The following LRRC49 variants were observed in gnomAD, a reference collection of about 807,000 sequenced individuals.
LRRC49 encodes leucine-rich repeat-containing protein 49.
A neutral mutation model predicts 83.3 loss-of-function variants in LRRC49; 50 were observed. The observed-to-expected ratio is 0.60, with a 90% CI of 0.48 to 0.76. The LOEUF (loss-of-function observed/expected upper bound fraction) is 0.76. Among genes scored for constraint, LRRC49 ranks in the 30% least tolerant of loss-of-function variants. The pLI is 0.00. For synonymous variants in LRRC49, 286 were observed against 283.3 expected (o/e 1.01, Z -0.10); for missense variants, 704 against 809.1 (o/e 0.87, Z 1.58).
At chr15:70,948,733 CTT>C (rs1176278633) in intron 8 of LRRC49, among the ~76,000 whole-genome samples, 1 of 152,028 alleles carries the variant, frequency 6.6e-6, no homozygotes. Context: ...GTTCTAATGA[CTT>C]TTAGTGGAGA....
intron 11 of LRRC49, among the ~76,000 whole-genome samples, chr15:70,998,219 A>G (rs982621855): frequency 6.6e-6 from 1 of 152,150 alleles, no homozygotes; most frequent in Non-Finnish European, 1.5e-5. Context: ...AGGAATTACC[A>G]CCTTAAAAAT....
intron 11 of LRRC49, among the ~76,000 whole-genome samples, chr15:70,990,013 C>T (rs1194529116): frequency 3.3e-5 from 5 of 152,184 alleles, no homozygotes; most frequent in African/African-American, 9.6e-5. Flanking sequence ...GAGGAGTACC[C>T]GGCTGTGTGA....
At chr15:70,872,846 T>G (rs12904060) in intron 1 of LRRC49, 32 of 213,090 alleles carry the variant, frequency 1.5e-4, no homozygotes, top group African/African-American at 6.8e-4. Flanking sequence ...GTGAGAGAAA[T>G]GGCTCTGGCT....
chr15:71,019,348 T>G (rs1475222033), intron 14 of LRRC49, among the ~76,000 whole-genome samples: 1 of 152,116 alleles, frequency 6.6e-6, no homozygotes, highest in Non-Finnish European at 1.5e-5. Flanking sequence ...CTCGTTACTC[T>G]TGCAATTCCA....
intron 2 of LRRC49, among the ~76,000 whole-genome samples, chr15:70,880,242 T>TC (rs2141082692): frequency 6.6e-6 from 1 of 152,218 alleles, no homozygotes; most frequent in South Asian, 2.1e-4. Flanking sequence ...AACAAACCTC[T>TC]CCCCCCACCT....
At chr15:70,974,948 G>C (rs986108121) in intron 9 of LRRC49, among the ~76,000 whole-genome samples, 3 of 152,166 alleles carry the variant, frequency 2.0e-5, no homozygotes, top group Non-Finnish European at 4.4e-5. Flanking sequence ...CACAAATTCA[G>C]TATTATACAA....
In LRRC49 at chr15:71,049,819, G is replaced by T. The variant is rs2039966532; in HGVS notation, c.*207G>T. On this transcript the variant is annotated 3_prime_UTR_variant, in exon 16 of 16. Coordinates refer to ENST00000260382, the MANE Select transcript of LRRC49 (RefSeq NM_017691.5). ...AAGGAAGGATTAATTGCCTGTATGT[G>T]AGGACCAAACAACCTTTGGGAACTA... The T allele has an allele frequency of 4.0e-6, 2 of 500,914 alleles. No homozygotes were observed. The highest frequency in any genetic ancestry group is 3.8e-5 in the Admixed American group (1 of 26,504). The allele number at this position is 500,914 out of a possible 1,614,324, so 31.0% of individuals were successfully genotyped here. A position where few individuals can be genotyped will look rare whatever the true frequency, so the allele number is the denominator to read the frequency against.
chr15:70,960,721 G>A (rs567021140), intron 8 of LRRC49, among the ~76,000 whole-genome samples: 9 of 152,062 alleles, frequency 5.9e-5, no homozygotes, highest in Non-Finnish European at 8.8e-5. Flanking sequence ...TGGAACAATT[G>A]GATGTCCATA....
chr15:71,046,063 G>T (rs560840147), intron 15 of LRRC49, among the ~76,000 whole-genome samples: 3 of 152,274 alleles, frequency 2.0e-5, no homozygotes, highest in Admixed American at 2.0e-4. Flanking sequence ...ATTCCATGGT[G>T]TATATATACT....
chr15:70,882,531 C>T (rs1379908298), intron 2 of LRRC49: 2 of 1,613,820 alleles, frequency 1.2e-6, no homozygotes, highest in East Asian at 4.5e-5. Flanking sequence ...CAGTCTGTAT[C>T]TGTTTCTGAA....
chr15:70,873,042 G>A, exon 2 of LRRC49: 2 of 630,862 alleles, frequency 3.2e-6, no homozygotes, highest in Non-Finnish European at 5.7e-6. Context: ...CCGCCACCAT[G>A]CCCAGCTCAT....
chr15:70,952,141 T>C (rs1394705762), intron 8 of LRRC49, among the ~76,000 whole-genome samples: 1 of 152,140 alleles, frequency 6.6e-6, no homozygotes, highest in Non-Finnish European at 1.5e-5. Flanking sequence ...ATGAGCTTTT[T>C]GATGTGCTTC....
intron 15 of LRRC49, chr15:71,048,928 G>A: frequency 2.3e-6 from 1 of 440,706 alleles, no homozygotes; most frequent in Admixed American, 2.6e-5. Flanking sequence ...AGTCAGTGTA[G>A]TGTACCATTT....
intron 1 of LRRC49, among the ~76,000 whole-genome samples, chr15:70,870,508 G>C (rs962834810): frequency 6.6e-6 from 1 of 152,156 alleles, no homozygotes; most frequent in African/African-American, 2.4e-5. Context: ...GTTTTGTTTT[G>C]AGATGGAATT....
At chr15:70,889,569 T>G (rs1426505523), upstream of LRRC49, among the ~76,000 whole-genome samples, 3 of 152,334 alleles carry the variant, frequency 2.0e-5, no homozygotes, top group Middle Eastern at 3.4e-3. Context: ...AAGTCAACAA[T>G]TTAAAAAATT....
At chr15:70,905,745 T>G (rs1231900551) in intron 5 of LRRC49, among the ~76,000 whole-genome samples, 2 of 152,180 alleles carry the variant, frequency 1.3e-5, no homozygotes, top group South Asian at 2.1e-4. Context: ...GCAAGGCCTA[T>G]TTGTTCAGAT....
At chr15:70,891,960 G>A (rs1474949515), upstream of LRRC49, 4 of 1,613,402 alleles carry the variant, frequency 2.5e-6, no homozygotes, top group African/African-American at 5.3e-5. Context: ...CGGCCTGCTT[G>A]GTCTCCCTCC....
chr15:70,858,271 C>T (rs1033377958), intron 1 of LRRC49, among the ~76,000 whole-genome samples: 1 of 152,222 alleles, frequency 6.6e-6, no homozygotes, highest in African/African-American at 2.4e-5. Context: ...AAACCAGCAT[C>T]TTTCTATAGT....
intron 14 of LRRC49, among the ~76,000 whole-genome samples, chr15:71,032,080 A>G (rs1388658679): frequency 1.3e-5 from 2 of 152,016 alleles, no homozygotes; most frequent in East Asian, 3.9e-4. Flanking sequence ...GTCTTCCCAA[A>G]CAGCTGCCCA....
Sources: allele counts gnomAD v4.1 joint callset (sites outside exome capture counted in the v4.1 genomes callset), GRCh38; gene constraint gnomAD v4.1.1; transcripts MANE v1.5; gene names NCBI Gene and HGNC (gene_info 2026-07-23, HGNC 2026-07-21).